The following CDKAL1 variants were observed in gnomAD, a reference collection of about 807,000 sequenced individuals.
CDKAL1 encodes threonylcarbamoyladenosine tRNA methylthiotransferase.
In CDKAL1, 32 loss-of-function variants were observed where a neutral mutation model predicts 68.2. The ratio of observed to expected loss-of-function variants is 0.47; its 90% CI spans 0.35 to 0.63. CDKAL1 has a LOEUF of 0.63. Among genes scored for constraint, CDKAL1 ranks in the 30% least tolerant of loss-of-function variants. The pLI, the probability that CDKAL1 is intolerant of heterozygous loss-of-function variation, is 0.00. For synonymous variants in CDKAL1, 234 were observed against 244.3 expected, an observed-to-expected ratio of 0.96 and a Z score of 0.39; for missense variants, 606 against 696.7, an observed-to-expected ratio of 0.87 and a Z score of 1.47.
intron 4 of CDKAL1, among the ~76,000 whole-genome samples, chr6:20,609,533 T>A (rs111369276): frequency 7.5e-4 from 114 of 151,810 alleles, no homozygotes; most frequent in African/African-American, 2.4e-3. Flanking sequence ...GTAGCTAGGA[T>A]TACAGGTGTG....
intron 9 of CDKAL1, among the ~76,000 whole-genome samples, chr6:20,892,258 C>T (rs1464476348): frequency 1.3e-5 from 2 of 152,108 alleles, no homozygotes; most frequent in Non-Finnish European, 2.9e-5. Flanking sequence ...GGGAGAGAGA[C>T]TGAAGTGGGG....
intron 12 of CDKAL1, among the ~76,000 whole-genome samples, chr6:21,077,903 G>C (rs1249470460): frequency 6.6e-6 from 1 of 152,164 alleles, no homozygotes; most frequent in Non-Finnish European, 1.5e-5. Flanking sequence ...TAATCACAAG[G>C]ATCCTCATAA....
chr6:20,824,350 A>C (rs1478752292), intron 8 of CDKAL1, among the ~76,000 whole-genome samples: 1 of 152,128 alleles, frequency 6.6e-6, no homozygotes, highest in Non-Finnish European at 1.5e-5. Flanking sequence ...ATTATCTCAC[A>C]GCATCTGTGA....
chr6:20,626,763 C>T (rs1767449780), intron 4 of CDKAL1, among the ~76,000 whole-genome samples: 3 of 152,162 alleles, frequency 2.0e-5, no homozygotes, highest in Admixed American at 6.5e-5. Flanking sequence ...GCTGCTTCTG[C>T]TGTAGGCATC....
intron 4 of CDKAL1, among the ~76,000 whole-genome samples, chr6:20,614,729 C>A (rs1157423751): frequency 6.6e-6 from 1 of 152,088 alleles, no homozygotes; most frequent in Non-Finnish European, 1.5e-5. Flanking sequence ...CTTAGTAGTT[C>A]TGCGTGTAGC....
At chr6:20,585,168 T>A (rs1765295546) in intron 4 of CDKAL1, among the ~76,000 whole-genome samples, 1 of 151,202 alleles carries the variant, frequency 6.6e-6, no homozygotes, top group South Asian at 2.1e-4. Context: ...ACCATTCTCC[T>A]GCCTCAGCCT....
At chr6:21,012,260 G>GT (rs1768065967) in intron 11 of CDKAL1, among the ~76,000 whole-genome samples, 1 of 152,186 alleles carries the variant, frequency 6.6e-6, no homozygotes, top group South Asian at 2.1e-4. Context: ...TTTAGTTTGA[G>GT]TTTTTTGTCC....
intron 15 of CDKAL1, among the ~76,000 whole-genome samples, chr6:21,222,221 G>A (rs564181089): frequency 6.6e-6 from 1 of 152,264 alleles, no homozygotes; most frequent in Non-Finnish European, 1.5e-5. Context: ...GTGTGTTCAA[G>A]TTTAAAATTT....
At chr6:20,562,100 G>T (rs1257180898) in intron 4 of CDKAL1, among the ~76,000 whole-genome samples, 1 of 152,144 alleles carries the variant, frequency 6.6e-6, no homozygotes, top group Non-Finnish European at 1.5e-5. Context: ...AATACAGTAT[G>T]GTTATATATA....
At chr6:20,628,713 G>C (rs1003588094) in intron 4 of CDKAL1, among the ~76,000 whole-genome samples, 5 of 151,716 alleles carry the variant, frequency 3.3e-5, no homozygotes, top group African/African-American at 1.2e-4. Context: ...ATGTTTTATA[G>C]TGCCTTCCAT....
intron 5 of CDKAL1, among the ~76,000 whole-genome samples, chr6:20,718,291 A>G (rs1772188119): frequency 6.6e-6 from 1 of 152,202 alleles, no homozygotes; most frequent in African/African-American, 2.4e-5. Context: ...CTTATGATGC[A>G]TGTGAAAATT....
At chr6:21,195,591 C>G (rs1778439573) in intron 13 of CDKAL1, among the ~76,000 whole-genome samples, 1 of 151,478 alleles carries the variant, frequency 6.6e-6, no homozygotes, top group African/African-American at 2.4e-5. Context: ...ACTCACTGCA[C>G]CCTCAATCTG....
In CDKAL1 at chr6:20,731,548, A is replaced by G. The variant is rs141877464; in HGVS notation, c.372-7971A>G. 2.7e-3 allele frequency among the ~76,000 whole-genome samples: 412 copies of G among 152,338 alleles called. 1 individual carries two copies. The highest frequency in any genetic ancestry group is 9.3e-3 in the African/African-American group (385 of 41,570). On this transcript the variant is annotated intron_variant, in intron 5 of 15. Coordinates refer to ENST00000274695, the MANE Select transcript of CDKAL1 (RefSeq NM_017774.3). ...GAGATTAACTTGCACAAATGACTTG[A>G]TGCTGAATTTTTAAATCAAAGAACA... is the stretch of plus-strand genomic sequence containing the variant.
chr6:20,733,568 G>T (rs529601179), intron 5 of CDKAL1, among the ~76,000 whole-genome samples: 1 of 152,282 alleles, frequency 6.6e-6, no homozygotes, highest in East Asian at 1.9e-4. Context: ...TCCCACCCAG[G>T]TTTCCAATCA....
intron 8 of CDKAL1, among the ~76,000 whole-genome samples, chr6:20,807,420 G>A (rs779721646): frequency 2.0e-5 from 3 of 151,928 alleles, no homozygotes; most frequent in African/African-American, 4.8e-5. Context: ...ATGGGGTTTC[G>A]CCATATTGGC....
At chr6:21,107,093 A>G (rs1332768510) in intron 12 of CDKAL1, among the ~76,000 whole-genome samples, 5 of 151,644 alleles carry the variant, frequency 3.3e-5, no homozygotes, top group Non-Finnish European at 4.4e-5. Context: ...GACTACAGGC[A>G]CCCGCCACCG....
chr6:20,808,439 T>C (rs1406567677), intron 8 of CDKAL1, among the ~76,000 whole-genome samples: 1 of 151,994 alleles, frequency 6.6e-6, no homozygotes. Context: ...AAGAAAAAAA[T>C]TTGCCATCTT....
At chr6:20,960,170 TGCTGTG>T (rs1224324251) in intron 10 of CDKAL1, among the ~76,000 whole-genome samples, 1 of 152,152 alleles carries the variant, frequency 6.6e-6, no homozygotes, top group Non-Finnish European at 1.5e-5. Flanking sequence ...CAGGCTGGAG[TGCTGTG>T]GCTATTTATA....
At chr6:21,054,240 T>C (rs1770705327) in intron 11 of CDKAL1, among the ~76,000 whole-genome samples, 1 of 152,232 alleles carries the variant, frequency 6.6e-6, no homozygotes, top group African/African-American at 2.4e-5. Context: ...TTGAATTGCC[T>C]TGGTAATTTT....
Sources: allele counts gnomAD v4.1 joint callset (sites outside exome capture counted in the v4.1 genomes callset), GRCh38; gene constraint gnomAD v4.1.1; transcripts MANE v1.5; gene names NCBI Gene and HGNC (gene_info 2026-07-23, HGNC 2026-07-21).